The following SNX24 variants were observed in gnomAD, a reference collection of about 807,000 sequenced individuals.
SNX24 encodes the protein sorting nexin 24.
In SNX24, 22 loss-of-function variants were observed where a neutral mutation model predicts 28.7. The ratio of observed to expected loss-of-function variants is 0.77; its 90% CI spans 0.55 to 1.10. The LOEUF (loss-of-function observed/expected upper bound fraction) is 1.10. Among genes scored for constraint, SNX24 ranks in the 50% least tolerant of loss-of-function variants. The probability of loss-of-function intolerance (pLI) is 0.00; values close to 1 mark genes in which losing one functional copy is unlikely to be tolerated. For synonymous variants in SNX24, 69 were observed against 71.5 expected (o/e 0.96, Z 0.18); for missense variants, 221 against 201.1 (o/e 1.10, Z -0.60).
chr5:122,932,971 G>C (rs575485589), intron 1 of SNX24, among the ~76,000 whole-genome samples: 42 of 150,852 alleles, frequency 2.8e-4, no homozygotes, highest in African/African-American at 7.7e-4. Flanking sequence ...GTGTAACTTA[G>C]TACATTAGAG....
At chr5:122,954,691 G>A (rs1760127536) in intron 3 of SNX24, among the ~76,000 whole-genome samples, 1 of 151,260 alleles carries the variant, frequency 6.6e-6, no homozygotes, top group South Asian at 2.1e-4. Flanking sequence ...GCAAAATATT[G>A]TGACACTTCT....
intron 1 of SNX24, among the ~76,000 whole-genome samples, chr5:122,899,112 T>G (rs1360471513): frequency 6.6e-6 from 1 of 152,240 alleles, no homozygotes; most frequent in Non-Finnish European, 1.5e-5. Context: ...CAGCCTCCAC[T>G]GTGAGATCTG....
chr5:122,944,577 G>C (rs1759599423), intron 2 of SNX24, among the ~76,000 whole-genome samples: 1 of 152,110 alleles, frequency 6.6e-6, no homozygotes. Context: ...ATACAACTTG[G>C]ACCCTCCCTT....
At chr5:122,918,957 G>A (rs939710817) in intron 1 of SNX24, among the ~76,000 whole-genome samples, 11 of 152,260 alleles carry the variant, frequency 7.2e-5, no homozygotes, top group African/African-American at 2.4e-4. Context: ...TAATCTGTAT[G>A]AAAATTTATT....
chr5:122,910,845 C>T (rs1251923417), intron 1 of SNX24, among the ~76,000 whole-genome samples: 2 of 152,076 alleles, frequency 1.3e-5, no homozygotes, highest in Admixed American at 6.6e-5. Context: ...ATATGTGCCA[C>T]ATTTTCTTAA....
intron 3 of SNX24, among the ~76,000 whole-genome samples, chr5:122,960,532 T>A (rs1760443916): frequency 6.6e-6 from 1 of 152,254 alleles, no homozygotes; most frequent in South Asian, 2.1e-4. Context: ...AAGCCATTTT[T>A]AAGTACATAT....
intron 1 of SNX24, among the ~76,000 whole-genome samples, chr5:122,916,810 G>A (rs1188203000): frequency 1.3e-5 from 2 of 152,140 alleles, no homozygotes; most frequent in African/African-American, 2.4e-5. Flanking sequence ...GCCTTATCGG[G>A]GGGTGTGATT....
At chr5:122,944,854 A>G (rs1324285228) in intron 2 of SNX24, among the ~76,000 whole-genome samples, 1 of 152,134 alleles carries the variant, frequency 6.6e-6, no homozygotes, top group Non-Finnish European at 1.5e-5. Flanking sequence ...ATTCATTACT[A>G]TGCTGTTTCT....
At chr5:122,984,700 A>C (rs1042762792) in intron 3 of SNX24, among the ~76,000 whole-genome samples, 1 of 152,174 alleles carries the variant, frequency 6.6e-6, no homozygotes. Flanking sequence ...CCAGTTGCAA[A>C]ATTGTACTCA....
chr5:122,919,392 G>A (rs1041782643), intron 1 of SNX24, among the ~76,000 whole-genome samples: 2 of 152,136 alleles, frequency 1.3e-5, no homozygotes, highest in African/African-American at 2.4e-5. Flanking sequence ...TAGCAAAGAA[G>A]TAGAATATAA....
chr5:123,000,420 C>G (rs1369179812), intron 4 of SNX24, among the ~76,000 whole-genome samples: 1 of 152,178 alleles, frequency 6.6e-6, no homozygotes, highest in Non-Finnish European at 1.5e-5. Context: ...TGATGCAACT[C>G]CTCTCATTTT....
At chr5:122,900,209 G>A (rs1757374632) in intron 1 of SNX24, among the ~76,000 whole-genome samples, 2 of 150,974 alleles carry the variant, frequency 1.3e-5, no homozygotes, top group South Asian at 4.2e-4. Context: ...TTTGAGATGA[G>A]GTCTCACTGT....
intron 1 of SNX24, among the ~76,000 whole-genome samples, chr5:122,889,882 A>G (rs1295871753): frequency 6.6e-6 from 1 of 151,362 alleles, no homozygotes; most frequent in African/African-American, 2.4e-5. Flanking sequence ...TGTATTACAA[A>G]TTTGTCAGTT....
At chr5:122,979,894 C>G (rs1229488268) in intron 3 of SNX24, among the ~76,000 whole-genome samples, 2 of 152,188 alleles carry the variant, frequency 1.3e-5, no homozygotes, top group Non-Finnish European at 2.9e-5. Context: ...TGTTAGCAAC[C>G]ACATTTGTTT....
chr5:123,007,324 A>G (rs1006819899), intron 6 of SNX24, among the ~76,000 whole-genome samples: 1 of 152,252 alleles, frequency 6.6e-6, no homozygotes, highest in Non-Finnish European at 1.5e-5. Context: ...GAATTCCTTC[A>G]AGTATATTGA....
chr5:122,847,558 A>G (rs1006608756), intron 1 of SNX24, among the ~76,000 whole-genome samples: 1 of 140,764 alleles, frequency 7.1e-6, no homozygotes, highest in Non-Finnish European at 1.5e-5. Flanking sequence ...CAGTGGGGTG[A>G]TCTCAGCTCA....
chr5:122,862,412 G>A (rs576265185), intron 1 of SNX24, among the ~76,000 whole-genome samples: 38 of 151,894 alleles, frequency 2.5e-4, no homozygotes, highest in Non-Finnish European at 5.3e-4. Flanking sequence ...TCAGGAGATC[G>A]AGACCATCCT....
At chr5:123,013,940 G>C (rs1354680056), downstream of SNX24, among the ~76,000 whole-genome samples, 1 of 152,172 alleles carries the variant, frequency 6.6e-6, no homozygotes, top group African/African-American at 2.4e-5. Context: ...AATAAAAATA[G>C]TAGCTAACAT....
At chr5:122,976,212 T>G (rs1247657299) in intron 3 of SNX24, among the ~76,000 whole-genome samples, 1 of 151,786 alleles carries the variant, frequency 6.6e-6, no homozygotes, top group Admixed American at 6.6e-5. Context: ...TAATATAGTG[T>G]TTGTCTTCTG....
Sources: gnomAD v4.1 joint callset for allele counts (sites outside exome capture counted in the v4.1 genomes callset) on GRCh38, gnomAD v4.1.1 for gene constraint, MANE v1.5 for transcripts, NCBI Gene and HGNC (gene_info 2026-07-23, HGNC 2026-07-21) for gene names.